MKS1: variants seen among roughly 807,000 people sequenced by gnomAD.
The protein encoded by MKS1 is MKS transition zone complex subunit 1.
In MKS1, 70 loss-of-function variants were observed where a neutral mutation model predicts 83.7. The observed-to-expected ratio is 0.84, with a 90% CI of 0.69 to 1.02. The LOEUF (loss-of-function observed/expected upper bound fraction) is 1.02, where lower values mean the gene tolerates loss of function less well. Ranked by LOEUF, MKS1 falls within the 50% of genes least tolerant of loss-of-function variation. The probability of loss-of-function intolerance (pLI) is 0.00; values close to 1 mark genes in which losing one functional copy is unlikely to be tolerated. For missense variants in MKS1, 681 were observed against 726.9 expected (o/e 0.94, Z 0.73); for synonymous variants, 251 against 273.4 (o/e 0.92, Z 0.81).
chr17:58,212,991 C>T lies in MKS1; in HGVS notation c.849G>A (p.Val283=), dbSNP rs746105434. 5 of 1,613,976 alleles carry T rather than the reference C, an allele frequency of 3.1e-6. No individual in the cohort carries two copies. Among genetic ancestry groups the T allele is most frequent in the South Asian group, 2.2e-5 (2 of 91,088 alleles). Residue 283 remains valine (V), a synonymous_variant, in exon 8 of 18, where the codon GTG becomes GTA. Coordinates refer to ENST00000393119, the MANE Select transcript of MKS1 (RefSeq NM_017777.4). ...QPEEEERERR[V]FKDLYGRHKE... The stretch of plus-strand genomic sequence containing the variant: ...ATGAACTTGCGCTTACATCCTTGAA[C>T]ACTCGCCGTTCCCGCTCCTCCTCCT...
rs1329129248 is a variant in MKS1 at position 58,211,038 on chromosome 17, G to A, written c.916-16C>T. The A allele has an allele frequency of 6.2e-7, 1 of 1,613,752 alleles. No individual in the cohort carries two copies. ...CTGGGACAGTCTAAGGTGAAGAGAA[G>A]TGGGAAAGGATCAGCAGGCCTGGAG... On this transcript the variant is annotated splice_polypyrimidine_tract_variant and intron_variant, in intron 9 of 17. Transcript: ENST00000393119.
chr17:58,209,817 G>A lies in MKS1; in HGVS notation c.1024+842C>T, dbSNP rs1968766084. Among the ~76,000 whole-genome samples, 1 of 152,218 alleles carries A rather than the reference G, an allele frequency of 6.6e-6. No homozygotes were observed. Among genetic ancestry groups the A allele is most frequent in the Admixed American group, 6.5e-5 (1 of 15,290 alleles). ...TTTTAAAGCTCAACTTGGCTTTGGT[G>A]TCTGTGGCAAATCAACGGCAAATGG... On this transcript the variant is annotated intron_variant, in intron 11 of 17. Transcript: ENST00000393119. This position sits in a 1 kb window ranked among gnomAD's most constrained non-coding sequence, Gnocchi z 4.1.
intron 11 of MKS1, among the ~76,000 whole-genome samples, chr17:58,210,256 T>C (rs1158792848): frequency 6.6e-6 from 1 of 152,062 alleles, no homozygotes; most frequent in East Asian, 1.9e-4. Context: ...GTATTGATGG[T>C]ATTTAAGCCA....
Position 58,206,155 on chromosome 17 carries a change from G to A in MKS1, c.1604C>T (p.Ala535Val), listed in dbSNP as rs1396485350. The A allele has an allele frequency of 1.2e-6, 2 of 1,613,784 alleles. No individual in the cohort carries two copies. The highest frequency in any genetic ancestry group is 1.3e-5 in the African/African-American group (1 of 74,912). Reference protein sequence around the residue: ...IHNVLEAFRRARRRMQEARES... With the variant: ...IHNVLEAFRRVRRRMQEARES... ...CCGGGCCTCCTGCATGCGGCGCCGGGCTCGACGGAAGGCCTCTGTAAGGAA... is the reference window on the plus strand; with the variant it reads ...CCGGGCCTCCTGCATGCGGCGCCGGACTCGACGGAAGGCCTCTGTAAGGAA... The change falls in exon 18 of 18, where the codon GCC becomes GTC. Residue 535 changes from alanine to valine, a missense_variant. By Grantham distance (64) the Ala-to-Val change is moderately conservative. Transcript: ENST00000393119.
intron 9 of MKS1, among the ~76,000 whole-genome samples, chr17:58,211,964 A>T (rs1968903140): frequency 6.6e-6 from 1 of 152,210 alleles, no homozygotes; most frequent in Non-Finnish European, 1.5e-5. Flanking sequence ...GGTGAAGAAG[A>T]CATTTTTCAT....
At chr17:58,213,426 A>T (rs1969000597) in intron 7 of MKS1, among the ~76,000 whole-genome samples, 1 of 152,198 alleles carries the variant, frequency 6.6e-6, no homozygotes, top group African/African-American at 2.4e-5. Context: ...CATTTCCAAG[A>T]TACAGAGATG....
chr17:58,218,050 A>G (rs529334817), intron 2 of MKS1, among the ~76,000 whole-genome samples: 75 of 152,340 alleles, frequency 4.9e-4, no homozygotes, highest in Non-Finnish European at 7.8e-4. Flanking sequence ...TGATCTATAC[A>G]TGCACATCAT....
At position 58,210,268 on chromosome 17, in the gene MKS1, A is replaced by T. The variant is rs60811076; in HGVS notation, c.1024+391T>A. ...GACGTATTGATGGTATTTAAGCCAT[A>T]GGATGGATGACGTTGCCCAGGAAGA... On this transcript the variant is annotated intron_variant, in intron 11 of 17. Transcript: ENST00000393119. Among the ~76,000 whole-genome samples the T allele has an allele frequency of 3.4e-3, 513 of 152,334 alleles. 7 individuals are homozygous for T. The highest frequency in any genetic ancestry group is 0.012 in the African/African-American group (495 of 41,574).
intron 6 of MKS1, 131 bp from the exon 7 acceptor site, chr17:58,214,000 T>C: frequency 1.0e-6 from 1 of 982,546 alleles, no homozygotes; most frequent in East Asian, 2.5e-5. Flanking sequence ...TTCTTCCAAG[T>C]ACAACTAAGA....
rs750194631 is a variant in MKS1 at position 58,205,664 on chromosome 17, C to T, written c.*415G>A. ...GGCTGGGGATTTAAGACCCTCTCAC[C>T]GTCCACCTTCCTTCCTTCTTTGGTC... On this transcript the variant is annotated 3_prime_UTR_variant, in exon 18 of 18. Coordinates refer to ENST00000393119, the MANE Select transcript of MKS1 (RefSeq NM_017777.4). 44 of 1,309,266 alleles carry T rather than the reference C, an allele frequency of 3.4e-5. No individual in the cohort carries two copies. The highest frequency in any genetic ancestry group is 2.1e-4 in the Middle Eastern group (1 of 4,752). 81.1% of individuals were successfully genotyped at this position (1,309,266 alleles called of 1,614,324 possible).
chr17:58,207,249 G>A lies in MKS1; in HGVS notation c.1274-31C>T. 2.5e-6 allele frequency: 4 copies of A among 1,612,910 alleles called. No individual in the cohort carries two copies. In the East Asian group the frequency reaches 8.9e-5, roughly 36 times the overall value. Reference sequence around the variant, plus strand: ...CAAGGGAAGAGAAGACTGGGGCCAGGTCCAGAAAGGGCATGTGGCCCCTCA... The same window carrying A: ...CAAGGGAAGAGAAGACTGGGGCCAGATCCAGAAAGGGCATGTGGCCCCTCA... On this transcript the variant is annotated intron_variant, in intron 14 of 17. Transcript: ENST00000393119.
At chr17:58,213,160 C>G in intron 7 of MKS1, 70 bp from the exon 8 acceptor site, 1 of 1,468,770 alleles carries the variant, frequency 6.8e-7, no homozygotes, top group Non-Finnish European at 9.5e-7. Flanking sequence ...AGCTCCCAGC[C>G]CAGGGATGAG....
At position 58,218,619 on chromosome 17, in the gene MKS1, CTGGCAGT is replaced by C. The variant is rs386834046; in HGVS notation, c.184_190del (p.Thr62ValfsTer14). 2.5e-6 allele frequency: 4 copies of C among 1,597,258 alleles called. No homozygotes were observed. Among genetic ancestry groups the C allele is most frequent in the Non-Finnish European group, 3.4e-6 (4 of 1,164,688 alleles). Reference sequence around the variant, plus strand: ...TGGCACATCACCACCGTAACACCCACTGGCAGTTGGCTGAGGCCTAAAAGTGGCCAAG... The same window carrying C: ...TGGCACATCACCACCGTAACACCCACTGGCTGAGGCCTAAAAGTGGCCAAG... On this transcript the variant is annotated frameshift_variant and splice_region_variant, in exon 2 of 18. Coordinates refer to ENST00000393119, the MANE Select transcript of MKS1 (RefSeq NM_017777.4). LOFTEE classifies it high-confidence loss of function.
intron 4 of MKS1, among the ~76,000 whole-genome samples, chr17:58,215,387 G>A (rs527647220): frequency 2.6e-5 from 4 of 152,100 alleles, no homozygotes; most frequent in Admixed American, 6.6e-5. Context: ...AGCTTCCCAC[G>A]TAGCCGGGAC....
chr17:58,214,438 C>A (rs376866462), intron 5 of MKS1, 51 bp from the exon 6 acceptor site: 13 of 1,611,872 alleles, frequency 8.1e-6, no homozygotes, highest in East Asian at 2.2e-5. Context: ...CAATGGAGCA[C>A]CCCAGTGGAG....
chr17:58,210,685 T>G lies in MKS1; in HGVS notation c.998A>C (p.His333Pro). The G allele has an allele frequency of 6.2e-7, 1 of 1,614,066 alleles. No individual in the cohort carries two copies. Among genetic ancestry groups the G allele is most frequent in the Non-Finnish European group, 8.5e-7 (1 of 1,179,934 alleles). The change falls in exon 11 of 18, where the codon CAC becomes CCC. Residue 333 changes from histidine (H) to proline (P), a missense_variant. Transcript: ENST00000393119. ...QGYEYDNLYV[H>P]FFVELPTAHW... The stretch of plus-strand genomic sequence containing the variant: ...AGCAGTTGGCAATTCTACAAAGAAG[T>G]GGACGTAGAGATTGTCATACTCATA...
chr17:58,208,314 A>G lies in MKS1; in HGVS notation c.1096-140T>C, dbSNP rs1026260392. 3 of 941,498 alleles carry G rather than the reference A, an allele frequency of 3.2e-6. No homozygotes were observed. The African/African-American group carries it at 4.9e-5, about 15-fold the overall frequency. The allele number at this position is 941,498 out of a possible 1,614,324, so 58.3% of individuals were successfully genotyped here. ...AAATAGGAGTCTGAGATGCAAAAGG[A>G]CACCCAAATACAAGCTGCTGCCATG... On this transcript the variant is annotated intron_variant, in intron 12 of 17. Transcript: ENST00000393119.
At chr17:58,217,873 CAG>C (rs1969318573) in intron 2 of MKS1, among the ~76,000 whole-genome samples, 3 of 152,160 alleles carry the variant, frequency 2.0e-5, no homozygotes, top group Non-Finnish European at 4.4e-5. Flanking sequence ...ATGCCTTTTT[CAG>C]AGACACGTTT....
intron 3 of MKS1, 110 bp from the exon 4 acceptor site, chr17:58,216,353 A>T (rs1969215358): frequency 8.1e-7 from 1 of 1,239,680 alleles, no homozygotes; most frequent in East Asian, 2.4e-5. Flanking sequence ...GCTATCTGAC[A>T]TGTTTTCATA....
Sources: gnomAD v4.1 joint callset for allele counts (sites outside exome capture counted in the v4.1 genomes callset) on GRCh38, gnomAD v4.1.1 for gene constraint, Gnocchi (gnomAD v3.1) non-coding constraint, MANE v1.5 for transcripts, NCBI Gene and HGNC (gene_info 2026-07-23, HGNC 2026-07-21) for gene names.